The following SLC24A4 variants were observed in gnomAD, a reference collection of about 807,000 sequenced individuals.
SLC24A4 encodes solute carrier family 24 member 4.
In SLC24A4, 53 loss-of-function variants were observed where a neutral mutation model predicts 79.0. The ratio of observed to expected loss-of-function variants is 0.67; its 90% confidence interval spans 0.54 to 0.84. The LOEUF (loss-of-function observed/expected upper bound fraction) is 0.84. Ranked by LOEUF, SLC24A4 falls within the 40% of genes least tolerant of loss-of-function variation. SLC24A4 has a pLI of 0.00. For missense variants in SLC24A4, 731 were observed against 822.0 expected (o/e 0.89, Z 1.35); for synonymous variants, 323 against 323.8 (o/e 1.00, Z 0.03).
intron 2 of SLC24A4, among the ~76,000 whole-genome samples, chr14:92,343,386 C>A (rs538828281): frequency 1.3e-5 from 2 of 152,142 alleles, no homozygotes; most frequent in Non-Finnish European, 1.5e-5. Context: ...AGTTTGCAGA[C>A]GTACCAGAGA....
In SLC24A4 at chr14:92,389,978, A is replaced by T. The variant is rs560875875; in HGVS notation, c.242-43934A>T. Among the ~76,000 whole-genome samples, 3 of 152,166 alleles carry T rather than the reference A, an allele frequency of 2.0e-5. No individual in the cohort carries two copies. In the East Asian group the frequency reaches 5.8e-4, roughly 29 times the overall value. On this transcript the variant is annotated intron_variant, in intron 2 of 16. Transcript: ENST00000532405. Reference sequence around the variant, plus strand: ...TTCTTGACTTGCGCCTCTTCTGCTCAGTTCTGATGCCAGCCGGTCCCTCTG... The same window carrying T: ...TTCTTGACTTGCGCCTCTTCTGCTCTGTTCTGATGCCAGCCGGTCCCTCTG...
At chr14:92,403,207 A>G (rs965005044) in intron 2 of SLC24A4, among the ~76,000 whole-genome samples, 2 of 152,160 alleles carry the variant, frequency 1.3e-5, no homozygotes, top group South Asian at 2.1e-4. Flanking sequence ...CTCAGCAGTA[A>G]GTGAGGAAGG....
chr14:92,345,228 G>A (rs913579334), intron 2 of SLC24A4, among the ~76,000 whole-genome samples: 1 of 152,208 alleles, frequency 6.6e-6, no homozygotes, highest in South Asian at 2.1e-4. Context: ...CAACAAAGTG[G>A]TTAAGAGTGT....
chr14:92,384,949 T>G lies in SLC24A4; in HGVS notation c.242-48963T>G, dbSNP rs1002293305. 2.6e-5 allele frequency among the ~76,000 whole-genome samples: 4 copies of G among 152,266 alleles called. 1 individual carries two copies. The highest frequency in any genetic ancestry group is 2.9e-5 in the Non-Finnish European group (2 of 68,022). ...GTGATTTCAGATGAGTGACTTAACC[T>G]CTCTGAGCCCCCATTCCTGTATCTG... On this transcript the variant is annotated intron_variant, in intron 2 of 16. Coordinates refer to ENST00000532405, the MANE Select transcript of SLC24A4 (RefSeq NM_153646.4).
rs1279433238 is a variant in SLC24A4 at position 92,454,063 on chromosome 14, T to C, written c.1044T>C (p.Ile348=). Residue 348 remains isoleucine (I), a synonymous_variant, in exon 11 of 17, where the codon ATT becomes ATC. Transcript: ENST00000532405. ...TRLRMASRII[I]NERQRLINSA... is the part of the protein sequence containing the mutation. ...TACGGATGGCCAGCAGGATCATCAT[T>C]AATGAGGTGAGTTTGCTTGAAGGAC... 1.2e-6 allele frequency: 2 copies of C among 1,612,582 alleles called. No individual in the cohort carries two copies.
intron 2 of SLC24A4, among the ~76,000 whole-genome samples, chr14:92,329,527 G>A (rs1885348562): frequency 6.6e-6 from 1 of 151,962 alleles, no homozygotes; most frequent in Non-Finnish European, 1.5e-5. Context: ...TGTGTTTTTT[G>A]TTTGTTTGTT....
chr14:92,475,598 T>A (rs1894718316), intron 12 of SLC24A4, among the ~76,000 whole-genome samples: 1 of 152,122 alleles, frequency 6.6e-6, no homozygotes, highest in Admixed American at 6.5e-5. Flanking sequence ...CTGGGGAGGC[T>A]GAAGAGAGGC....
intron 2 of SLC24A4, among the ~76,000 whole-genome samples, chr14:92,385,648 G>T (rs8019623): frequency 0.067 from 10,169 of 152,202 alleles, 901 homozygotes; most frequent in African/African-American, 0.2. Context: ...GGCAGGCTCA[G>T]CAGGAGGTGG....
chr14:92,386,514 C>G (rs1889166462), intron 2 of SLC24A4, among the ~76,000 whole-genome samples: 3 of 152,134 alleles, frequency 2.0e-5, no homozygotes, highest in Admixed American at 2.0e-4. Context: ...TGTGGAGTCT[C>G]CTTTCTTCTG....
At chr14:92,483,710 T>C (rs78085011) in intron 13 of SLC24A4, 5 of 1,224,762 alleles carry the variant, frequency 4.1e-6, no homozygotes, top group South Asian at 3.8e-5. Flanking sequence ...GGTCCCTTCT[T>C]CTCCTCCTCA....
chr14:92,456,260 G>A (rs1380838325), intron 11 of SLC24A4, 144 bp from the exon 12 acceptor site: 1 of 718,232 alleles, frequency 1.4e-6, no homozygotes, highest in Non-Finnish European at 2.4e-6. Context: ...AAGGTCCTGG[G>A]GCTGATTCTC....
At chr14:92,356,505 CTA>C (rs1037450911) in intron 2 of SLC24A4, among the ~76,000 whole-genome samples, 1 of 152,198 alleles carries the variant, frequency 6.6e-6, no homozygotes, top group Non-Finnish European at 1.5e-5. Flanking sequence ...AACCCTGGAT[CTA>C]TCAGTCATTA....
chr14:92,384,319 G>T (rs1217994229), intron 2 of SLC24A4, among the ~76,000 whole-genome samples: 1 of 152,052 alleles, frequency 6.6e-6, no homozygotes, highest in Non-Finnish European at 1.5e-5. Context: ...AGACTGAAGG[G>T]GAGGGAGTGT....
chr14:92,410,270 C>T (rs1890635135), intron 2 of SLC24A4, among the ~76,000 whole-genome samples: 1 of 152,224 alleles, frequency 6.6e-6, no homozygotes, highest in Non-Finnish European at 1.5e-5. Context: ...CAGCTTCAAA[C>T]TCCTGGGCTC....
intron 13 of SLC24A4, among the ~76,000 whole-genome samples, chr14:92,483,280 T>C (rs4904938): frequency 0.91 from 138,427 of 152,236 alleles, 63,918 homozygotes; most frequent in Non-Finnish European, 0.99. Context: ...CTCCCCCCAC[T>C]GATGTGCTGG....
intron 2 of SLC24A4, among the ~76,000 whole-genome samples, chr14:92,329,854 C>G (rs971721033): frequency 6.6e-6 from 1 of 152,226 alleles, no homozygotes; most frequent in African/African-American, 2.4e-5. Flanking sequence ...TAACATTACT[C>G]ACTTCATTGT....
chr14:92,381,914 A>C (rs933054618), intron 2 of SLC24A4, among the ~76,000 whole-genome samples: 6 of 152,218 alleles, frequency 3.9e-5, no homozygotes, highest in Non-Finnish European at 7.3e-5. Context: ...TTAGGCGGTC[A>C]TGTATGTTCT....
intron 2 of SLC24A4, among the ~76,000 whole-genome samples, chr14:92,418,261 G>A (rs1036653306): frequency 2.0e-5 from 3 of 152,326 alleles, no homozygotes; most frequent in African/African-American, 7.2e-5. Context: ...AGCCAAGAGT[G>A]CTGAGGGGGT....
chr14:92,404,706 T>C (rs59778360), intron 2 of SLC24A4, among the ~76,000 whole-genome samples: 48,166 of 152,050 alleles, frequency 0.32, 7,867 homozygotes, highest in Non-Finnish European at 0.35. Context: ...CCTTCACTCT[T>C]CTGCCACACA....
Sources: allele counts gnomAD v4.1 joint callset (sites outside exome capture counted in the v4.1 genomes callset), GRCh38; gene constraint gnomAD v4.1.1; transcripts MANE v1.5; gene names NCBI Gene and HGNC (gene_info 2026-07-23, HGNC 2026-07-21).